CROCC2: variants seen among roughly 807,000 people sequenced by gnomAD.
CROCC2 encodes the protein ciliary rootlet coiled-coil, rootletin family member 2.
In CROCC2, 163 loss-of-function variants were observed where a neutral mutation model predicts 177.6. That is an observed-to-expected ratio of 0.92 (90% CI 0.81 to 1.05). The LOEUF is 1.05. Ranked by LOEUF, CROCC2 falls within the 50% of genes least tolerant of loss-of-function variation. The pLI is 0.00. For missense variants in CROCC2, 1,929 were observed against 1,797.8 expected, an observed-to-expected ratio of 1.07 and a Z score of -1.32; for synonymous variants, 904 against 787.3, an observed-to-expected ratio of 1.15 and a Z score of -2.48.
rs2059327911 is a variant in CROCC2 at position 240,917,520 on chromosome 2, G to A, written c.79-1206G>A. ...GAGATGGGAGGCAGGAGGCAGCCAG[G>A]TGGTCACCCACGTGGACCCTGGTCA... On this transcript the variant is annotated intron_variant, in intron 1 of 31. Coordinates refer to ENST00000690015, the MANE Select transcript of CROCC2 (RefSeq NM_001351305.2). This position sits in a 1 kb window ranked among gnomAD's most constrained non-coding sequence, Gnocchi z 4.9. 6.6e-6 allele frequency among the ~76,000 whole-genome samples: 1 copy of A among 152,152 alleles called. No individual in the cohort carries two copies. The highest frequency in any genetic ancestry group is 1.5e-5 in the Non-Finnish European group (1 of 68,020).
intron 15 of CROCC2, among the ~76,000 whole-genome samples, chr2:240,948,194 G>A (rs532858526): frequency 6.6e-6 from 1 of 152,296 alleles, no homozygotes; most frequent in South Asian, 2.1e-4. Context: ...AGGGAGCAGA[G>A]TAGCATGCAG....
intron 2 of CROCC2, among the ~76,000 whole-genome samples, chr2:240,919,142 G>A (rs1432700365): frequency 7.0e-6 from 1 of 142,800 alleles, no homozygotes; most frequent in Non-Finnish European, 1.5e-5. Context: ...ACAGCGTGGG[G>A]GACAGTCCTG....
At chr2:240,955,809 C>T (rs2059586701) in intron 18 of CROCC2, 50 bp from the exon 19 acceptor site, 1 of 1,349,508 alleles carries the variant, frequency 7.4e-7, no homozygotes, top group Non-Finnish European at 1.0e-6. Flanking sequence ...GGCCTCTTCC[C>T]TCCCCCGAGA....
intron 2 of CROCC2, among the ~76,000 whole-genome samples, 164 bp from the exon 3 acceptor site, chr2:240,919,816 ATGT>A (rs2059346231): frequency 6.6e-6 from 1 of 152,082 alleles, no homozygotes; most frequent in Admixed American, 6.5e-5. Flanking sequence ...CTGCCTCCCT[ATGT>A]TAGGGTCCCG....
In CROCC2 at chr2:240,931,023, C is replaced by A. The variant is rs1574756587; in HGVS notation, c.842C>A (p.Ala281Asp). 1 of 716,404 alleles carries A rather than the reference C, an allele frequency of 1.4e-6. No individual in the cohort carries two copies. Among genetic ancestry groups the A allele is most frequent in the Non-Finnish European group, 2.6e-6 (1 of 384,822 alleles). The allele number at this position is 716,404 out of a possible 1,614,324, so 44.4% of individuals were successfully genotyped here. Residue 281 changes from alanine (A) to aspartate (D), a missense_variant, in exon 7 of 32, where the codon GCC becomes GAC. By Grantham distance (126) the Ala-to-Asp change is moderately radical. Coordinates refer to ENST00000690015, the MANE Select transcript of CROCC2 (RefSeq NM_001351305.2). ...LNLDSNLRLS[A>D]SSTASTLGQQ... ...CTCGACTCCAACCTGCGGCTGTCGG[C>A]CAGCAGCACGGCCAGCACCCTGGGG...
At chr2:240,986,608 T>C (rs866724136) in intron 28 of CROCC2, among the ~76,000 whole-genome samples, 13 of 152,184 alleles carry the variant, frequency 8.5e-5, no homozygotes, top group South Asian at 8.3e-4. Context: ...TTGGGAAGTT[T>C]GTTCACCATC....
At chr2:240,979,468 C>T (rs757243539) in intron 27 of CROCC2, among the ~76,000 whole-genome samples, 8 of 45,422 alleles carry the variant, frequency 1.8e-4, no homozygotes, top group African/African-American at 5.1e-4. Context: ...ATCCCAGGCT[C>T]ATCCCTGCTC....
intron 14 of CROCC2, among the ~76,000 whole-genome samples, chr2:240,938,962 A>G (rs1450309287): frequency 6.6e-6 from 1 of 152,162 alleles, no homozygotes; most frequent in Non-Finnish European, 1.5e-5. Context: ...ATCTGTAACA[A>G]TAGTTTTACT....
Position 240,965,790 on chromosome 2 carries a change from G to A in CROCC2, c.3758G>A (p.Gly1253Asp), listed in dbSNP as rs752570211. Residue 1253 changes from glycine to aspartate, a missense_variant, in exon 24 of 32, where the codon GGT (glycine) becomes GAT (aspartate). By Grantham distance (94) the Gly-to-Asp change is moderately conservative. This residue lies in a region of CROCC2 where 144 missense variants were observed against 205.2 expected (regional missense o/e 0.70). Transcript: ENST00000690015. ...SVTRKLQEASGVADALQARLD... is the reference protein window; with the variant it reads ...SVTRKLQEASDVADALQARLD... ...ACCAGGAAGCTGCAGGAAGCCAGTG[G>A]TGTGGCTGATGCTCTCCAGGCTCGC... 70 of 1,486,520 alleles carry A rather than the reference G, an allele frequency of 4.7e-5. No homozygotes were observed. The highest frequency in any genetic ancestry group is 3.1e-4 in the South Asian group (22 of 71,870). 92.1% of individuals were successfully genotyped at this position (1,486,520 alleles called of 1,614,324 possible).
At chr2:240,914,312 C>T (rs373760243) in intron 1 of CROCC2, among the ~76,000 whole-genome samples, 4 of 152,344 alleles carry the variant, frequency 2.6e-5, no homozygotes, top group East Asian at 1.9e-4. Context: ...CCCATTAAGG[C>T]GGAGGCCAGA....
chr2:240,949,214 G>A lies in CROCC2; in HGVS notation c.2482+117G>A. On this transcript the variant is annotated intron_variant, in intron 16 of 31. Transcript: ENST00000690015. The surrounding 1 kb of genome is among the most constrained non-coding windows in gnomAD (Gnocchi z 4.5). ...CCCTCTCCGGAGCCCACAGGGGCAT[G>A]AACATGAGCTTGGAGCTCATGCGAC... 7.0e-7 allele frequency: 1 copy of A among 1,437,906 alleles called. No homozygotes were observed. Among genetic ancestry groups the A allele is most frequent in the South Asian group, 1.5e-5 (1 of 67,234 alleles). The allele number at this position is 1,437,906 out of a possible 1,614,324, so 89.1% of individuals were successfully genotyped here.
intron 14 of CROCC2, among the ~76,000 whole-genome samples, chr2:240,936,490 A>T (rs2059471524): frequency 1.3e-5 from 2 of 152,130 alleles, no homozygotes; most frequent in Non-Finnish European, 2.9e-5. Context: ...TGTCTTGGAG[A>T]TCCATACATG....
At position 240,982,969 on chromosome 2, in the gene CROCC2, G is replaced by C. The variant is rs2059811413; in HGVS notation, c.4491G>C (p.Gln1497His). 6.4e-7 allele frequency: 1 copy of C among 1,550,388 alleles called. No homozygotes were observed. The highest frequency in any genetic ancestry group is 2.0e-5 in the Admixed American group (1 of 50,986). The change falls in exon 28 of 32, where the codon CAG (glutamine) becomes CAC (histidine). Residue 1497 changes from glutamine to histidine, a missense_variant. Coordinates refer to ENST00000690015, the MANE Select transcript of CROCC2 (RefSeq NM_001351305.2). This position sits in a 1 kb window ranked among gnomAD's most constrained non-coding sequence, Gnocchi z 4.7. Reference protein sequence around the residue: ...LAKQGKLLEEQLTNLEHRCQK... With the variant: ...LAKQGKLLEEHLTNLEHRCQK... ...AGCAGGGGAAGCTGCTGGAAGAACA[G>C]CTCACCAACTTGGAGCACAGGTGCC... is the stretch of plus-strand genomic sequence containing the variant.
chr2:240,963,433 A>C, intron 20 of CROCC2, 123 bp from the exon 21 acceptor site: 6 of 1,042,754 alleles, frequency 5.8e-6, no homozygotes, highest in Non-Finnish European at 8.1e-6. Context: ...AGCAAAGCGC[A>C]TGGGGACCAA....
At chr2:240,925,143 A>G (rs1279566420) in intron 4 of CROCC2, among the ~76,000 whole-genome samples, 1 of 152,208 alleles carries the variant, frequency 6.6e-6, no homozygotes, top group Non-Finnish European at 1.5e-5. Flanking sequence ...AAAAGGAATC[A>G]AAGTGCTGAG....
Position 240,993,192 on chromosome 2 carries a change from G to A in CROCC2, c.*111G>A, listed in dbSNP as rs373377959. On this transcript the variant is annotated 3_prime_UTR_variant, in exon 32 of 32. Transcript: ENST00000690015. ...CGTCACAGTGAAAGGCACCCGTGAT[G>A]AGACAGCTCGCTCTCGGCAGTTTCA... The A allele has an allele frequency of 3.0e-6, 2 of 666,768 alleles. No individual in the cohort carries two copies. Among genetic ancestry groups the A allele is most frequent in the Non-Finnish European group, 5.7e-6 (2 of 353,286 alleles). The allele number at this position is 666,768 out of a possible 1,614,324, so 41.3% of individuals were successfully genotyped here. A position where few individuals can be genotyped will look rare whatever the true frequency, so the allele number is the denominator to read the frequency against.
At chr2:240,914,092 G>T (rs888698750) in intron 1 of CROCC2, among the ~76,000 whole-genome samples, 9 of 152,246 alleles carry the variant, frequency 5.9e-5, no homozygotes, top group African/African-American at 2.2e-4. Context: ...GAAGCTGCTT[G>T]GTTCCCTGCC....
At position 240,974,582 on chromosome 2, in the gene CROCC2, C is replaced by A. The variant is rs139304732; in HGVS notation, c.4401+6320C>A. On this transcript the variant is annotated intron_variant, in intron 27 of 31. Transcript: ENST00000690015. ...ATGGTGTTAAACCATGTTGCCTAGG[C>A]TAGTCTCAAACTCCTGAGCTCAAGT... Among the ~76,000 whole-genome samples, 257 of 141,962 alleles carry A rather than the reference C, an allele frequency of 1.8e-3. 1 individual carries two copies. Among genetic ancestry groups the A allele is most frequent in the Middle Eastern group, 8.1e-3 (2 of 248 alleles). 93.1% of individuals were successfully genotyped at this position (141,962 alleles called of 152,430 possible).
chr2:240,909,940 A>G (rs2059277085), intron 1 of CROCC2, among the ~76,000 whole-genome samples: 1 of 152,140 alleles, frequency 6.6e-6, no homozygotes, highest in Non-Finnish European at 1.5e-5. Flanking sequence ...AGGATGCAGG[A>G]GGCCCCCTGT....
Sources: gnomAD v4.1 joint callset for allele counts (sites outside exome capture counted in the v4.1 genomes callset) on GRCh38, gnomAD v4.1.1 for gene constraint, gnomAD v4.1.1 regional missense constraint, Gnocchi (gnomAD v3.1) non-coding constraint, MANE v1.5 for transcripts, NCBI Gene and HGNC (gene_info 2026-07-23, HGNC 2026-07-21) for gene names.